Variants in NEK7 observed in about 807,000 individuals in gnomAD.
NEK7 encodes serine/threonine-protein kinase Nek7.
A neutral mutation model predicts 44.6 loss-of-function variants in NEK7; 18 were observed. That is an observed-to-expected ratio of 0.40 (90% CI 0.28 to 0.60). The LOEUF is 0.60. Ranked by LOEUF, NEK7 falls within the 20% of genes least tolerant of loss-of-function variation. The pLI is 0.38. For synonymous variants in NEK7, 130 were observed against 121.1 expected (o/e 1.07, Z -0.48); for missense variants, 256 against 366.5 (o/e 0.70, Z 2.46).
Position 198,293,043 on chromosome 1 carries a change from G to C in NEK7, c.684+4G>C. ...TCTTGGCTGTCTACTATATGAGGTA[G>C]GTAATGTTGATAAATTCCAAATATT... On this transcript the variant is annotated splice_donor_region_variant and intron_variant, in intron 8 of 9. Transcript: ENST00000367385. 1 of 1,449,910 alleles carries C rather than the reference G, an allele frequency of 6.9e-7. No homozygotes were observed. Among genetic ancestry groups the C allele is most frequent in the Non-Finnish European group, 9.7e-7 (1 of 1,032,472 alleles). The allele number at this position is 1,449,910 out of a possible 1,614,324, so 89.8% of individuals were successfully genotyped here.
chr1:198,227,609 G>T (rs1289737455), intron 1 of NEK7, among the ~76,000 whole-genome samples: 4 of 152,182 alleles, frequency 2.6e-5, no homozygotes, highest in African/African-American at 4.8e-5. Flanking sequence ...TTGCATTTCT[G>T]TGATGGCTAG....
chr1:198,187,312 A>G (rs984802642), intron 1 of NEK7, among the ~76,000 whole-genome samples: 1 of 152,078 alleles, frequency 6.6e-6, no homozygotes, highest in African/African-American at 2.4e-5. Flanking sequence ...GGCAGTCAGC[A>G]TTGCTCCTGA....
chr1:198,259,205 A>G (rs1296124081), intron 3 of NEK7, among the ~76,000 whole-genome samples: 1 of 152,148 alleles, frequency 6.6e-6, no homozygotes, highest in Non-Finnish European at 1.5e-5. Context: ...TTTTCTATGT[A>G]GCATGTTTCT....
chr1:198,222,518 C>T (rs796599930), intron 1 of NEK7, among the ~76,000 whole-genome samples: 106 of 152,236 alleles, frequency 7.0e-4, no homozygotes, highest in African/African-American at 2.3e-3. Flanking sequence ...CTACTTTTGA[C>T]GGTGGTACCA....
At chr1:198,313,668 G>A (rs1389860429) in intron 9 of NEK7, among the ~76,000 whole-genome samples, 3 of 136,494 alleles carry the variant, frequency 2.2e-5, no homozygotes, top group Non-Finnish European at 3.1e-5. Context: ...TTGCTTGTCT[G>A]TAAAGTATTT....
chr1:198,264,260 A>G (rs1410377001), intron 5 of NEK7, 25 bp downstream of exon 5: 12 of 1,530,832 alleles, frequency 7.8e-6, no homozygotes, highest in Non-Finnish European at 1.1e-5. Context: ...AATTGTCTTA[A>G]TGTTTTGTTT....
chr1:198,208,362 A>G (rs2102810281), intron 1 of NEK7, among the ~76,000 whole-genome samples: 1 of 152,230 alleles, frequency 6.6e-6, no homozygotes, highest in East Asian at 1.9e-4. Flanking sequence ...GGTTTGAATA[A>G]ATGTATGAAG....
intron 1 of NEK7, among the ~76,000 whole-genome samples, chr1:198,200,282 A>G (rs1416932751): frequency 2.6e-5 from 4 of 152,178 alleles, no homozygotes; most frequent in Admixed American, 1.3e-4. Flanking sequence ...TGGTTCATAT[A>G]TGGGCCTATT....
chr1:198,170,497 A>G (rs776859246), intron 1 of NEK7, among the ~76,000 whole-genome samples: 4 of 152,220 alleles, frequency 2.6e-5, no homozygotes, highest in Non-Finnish European at 5.9e-5. Context: ...AGCCCAGTTC[A>G]TTCCTAGTTC....
intron 1 of NEK7, among the ~76,000 whole-genome samples, chr1:198,158,948 G>A (rs1664005427): frequency 6.6e-6 from 1 of 151,462 alleles, no homozygotes; most frequent in Non-Finnish European, 1.5e-5. Flanking sequence ...GGCAGTAACT[G>A]TATGGGGTGA....
At chr1:198,231,067 T>C (rs997000540) in intron 1 of NEK7, among the ~76,000 whole-genome samples, 3 of 151,518 alleles carry the variant, frequency 2.0e-5, no homozygotes, top group African/African-American at 7.3e-5. Flanking sequence ...ATTTTACAAT[T>C]CGTATTAAAA....
chr1:198,197,945 C>T, intron 1 of NEK7: 1 of 1,517,738 alleles, frequency 6.6e-7, no homozygotes, highest in Admixed American at 1.7e-5. Context: ...CATCCAGGGG[C>T]AGGTGGTGGG....
At chr1:198,248,185 G>A (rs1390404040) in intron 2 of NEK7, among the ~76,000 whole-genome samples, 1 of 152,168 alleles carries the variant, frequency 6.6e-6, no homozygotes, top group Non-Finnish European at 1.5e-5. Flanking sequence ...GAGGGCATGT[G>A]ATAGTTTTAA....
At chr1:198,210,323 A>G (rs186928542) in intron 1 of NEK7, among the ~76,000 whole-genome samples, 260 of 152,192 alleles carry the variant, frequency 1.7e-3, no homozygotes, top group Middle Eastern at 6.8e-3. Context: ...TGGCCCCCCA[A>G]GTTTTCCTCC....
intron 9 of NEK7, among the ~76,000 whole-genome samples, chr1:198,299,626 T>A (rs891608336): frequency 3.9e-5 from 6 of 152,140 alleles, no homozygotes; most frequent in South Asian, 2.1e-4. Context: ...AATAAAAAAA[T>A]TTAAGCAAAT....
intron 2 of NEK7, among the ~76,000 whole-genome samples, chr1:198,245,561 A>G (rs183729564): frequency 5.3e-5 from 8 of 152,356 alleles, no homozygotes; most frequent in Non-Finnish European, 7.4e-5. Context: ...AGCAAGTGCA[A>G]TGCCATGGGC....
chr1:198,209,954 C>T (rs1665715531), intron 1 of NEK7, among the ~76,000 whole-genome samples: 1 of 151,888 alleles, frequency 6.6e-6, no homozygotes, highest in Non-Finnish European at 1.5e-5. Context: ...ATAGCTGGGA[C>T]TTCCTGGCTA....
At chr1:198,163,338 T>TA (rs1325578230) in intron 1 of NEK7, among the ~76,000 whole-genome samples, 2 of 151,212 alleles carry the variant, frequency 1.3e-5, no homozygotes, top group Non-Finnish European at 3.0e-5. Flanking sequence ...ACAAAAAATT[T>TA]AAAAAAAATT....
intron 7 of NEK7, among the ~76,000 whole-genome samples, chr1:198,289,906 T>C (rs1654500566): frequency 1.3e-5 from 2 of 152,188 alleles, no homozygotes; most frequent in Admixed American, 6.5e-5. Flanking sequence ...TTTTCTCATA[T>C]AGCTAGAATA....
Sources: allele counts gnomAD v4.1 joint callset (sites outside exome capture counted in the v4.1 genomes callset), GRCh38; gene constraint gnomAD v4.1.1; transcripts MANE v1.5; gene names NCBI Gene and HGNC (gene_info 2026-07-23, HGNC 2026-07-21).